Variants in SAMD5 observed in about 807,000 individuals in gnomAD.
The protein encoded by SAMD5 is sterile alpha motif domain-containing protein 5.
SAMD5 carries 13 observed loss-of-function variants against 11.3 expected under a neutral mutation model. That is an observed-to-expected ratio of 1.15 (90% confidence interval 0.75 to 1.83). The LOEUF is 1.83. Among genes scored for constraint, SAMD5 ranks in the 40% most tolerant of loss-of-function variants. The pLI is 0.00. For missense variants in SAMD5, 255 were observed against 239.1 expected (o/e 1.07, Z -0.44); for synonymous variants, 129 against 111.3 (o/e 1.16, Z -1.00).
the SAMD5 span, among the ~76,000 whole-genome samples, chr6:147,827,632 G>T: frequency 6.6e-6 from 1 of 152,178 alleles, no homozygotes; most frequent in African/African-American, 2.4e-5. Context: ...CTCTCAGGAA[G>T]TGTTCTTGTC....
chr6:147,863,807 C>G, the SAMD5 span, among the ~76,000 whole-genome samples: 3 of 124,280 alleles, frequency 2.4e-5, no homozygotes, highest in African/African-American at 9.0e-5. Context: ...CCAGTTGTTT[C>G]TTTTCATCAT....
chr6:147,589,843 C>T (rs939931860), intron 1 of SAMD5, among the ~76,000 whole-genome samples: 2 of 152,108 alleles, frequency 1.3e-5, no homozygotes, highest in Non-Finnish European at 2.9e-5. Context: ...TTCATGAAAT[C>T]CAATAATGTC....
chr6:147,806,305 C>T, the SAMD5 span, among the ~76,000 whole-genome samples: 10 of 42,880 alleles, frequency 2.3e-4, no homozygotes, highest in Non-Finnish European at 4.7e-4. Flanking sequence ...TGTGCGCATG[C>T]GCGCGCGCGC....
chr6:147,697,528 A>C (rs1180190295), intron 1 of SAMD5, among the ~76,000 whole-genome samples: 1 of 152,216 alleles, frequency 6.6e-6, no homozygotes, highest in Non-Finnish European at 1.5e-5. Context: ...AAAATGTTTC[A>C]GCGTTTTGTT....
chr6:147,946,151 A>G, the SAMD5 span, among the ~76,000 whole-genome samples: 985 of 152,040 alleles, frequency 6.5e-3, 8 homozygotes, highest in African/African-American at 0.021. Context: ...CTCTCCCCCA[A>G]CCCTTGAGTA....
chr6:147,806,503 G>T, the SAMD5 span, among the ~76,000 whole-genome samples: 1 of 152,126 alleles, frequency 6.6e-6, no homozygotes, highest in South Asian at 2.1e-4. Context: ...ACAAGCTCCC[G>T]CCTACTTGCT....
At chr6:147,919,247 A>G in the SAMD5 span, among the ~76,000 whole-genome samples, 6 of 152,222 alleles carry the variant, frequency 3.9e-5, no homozygotes, top group Non-Finnish European at 8.8e-5. Flanking sequence ...CCTCTGCCCC[A>G]TCAAAAATCT....
the SAMD5 span, among the ~76,000 whole-genome samples, chr6:147,869,727 C>T: frequency 8.5e-4 from 130 of 152,172 alleles, no homozygotes; most frequent in African/African-American, 2.8e-3. Flanking sequence ...GATACAGGGT[C>T]TCGCTCTTTT....
At chr6:147,908,181 A>C in the SAMD5 span, among the ~76,000 whole-genome samples, 1 of 152,308 alleles carries the variant, frequency 6.6e-6, no homozygotes, top group African/African-American at 2.4e-5. Flanking sequence ...GCAGTGCAAA[A>C]CAGAGCAGCA....
Position 147,589,145 on chromosome 6 carries a change from G to A in SAMD5, c.162+79758G>A, listed in dbSNP as rs377158503. On this transcript the variant is annotated intron_variant, in intron 1 of 1. Coordinates refer to the SAMD5 transcript ENST00000566741. ...AATTTTTAAAAATTGTTCTTGTAGA[G>A]ACAGGATCTCACTATGTTGCCAAGG... 7.9e-5 allele frequency among the ~76,000 whole-genome samples: 12 copies of A among 152,122 alleles called. No homozygotes were observed. The East Asian group carries it at 1.7e-3, about 22-fold the overall frequency.
the SAMD5 span, among the ~76,000 whole-genome samples, chr6:147,799,756 C>T: frequency 6.6e-6 from 1 of 151,838 alleles, no homozygotes; most frequent in African/African-American, 2.4e-5. Flanking sequence ...TTCTTGGAGG[C>T]TTTGCTCATT....
chr6:147,673,649 A>G (rs1217004001), intron 1 of SAMD5, among the ~76,000 whole-genome samples: 3 of 152,148 alleles, frequency 2.0e-5, no homozygotes, highest in East Asian at 1.9e-4. Flanking sequence ...TAACCTAACT[A>G]TTGTTAAATG....
At chr6:147,918,472 C>T in the SAMD5 span, among the ~76,000 whole-genome samples, 2 of 152,008 alleles carry the variant, frequency 1.3e-5, no homozygotes, top group Admixed American at 1.3e-4. Context: ...TCCTATTCAA[C>T]ATAGTGTTGG....
chr6:147,842,337 C>T, the SAMD5 span, among the ~76,000 whole-genome samples: 1 of 151,838 alleles, frequency 6.6e-6, no homozygotes, highest in Non-Finnish European at 1.5e-5. Flanking sequence ...TCCATCACAA[C>T]CCTCAGCATT....
chr6:147,724,695 G>T (rs1190832788), intron 1 of SAMD5, among the ~76,000 whole-genome samples: 1 of 152,084 alleles, frequency 6.6e-6, no homozygotes, highest in East Asian at 1.9e-4. Flanking sequence ...GGTGTTTCTG[G>T]CTCATGATGG....
At chr6:147,897,934 G>T in the SAMD5 span, among the ~76,000 whole-genome samples, 1 of 110,420 alleles carries the variant, frequency 9.1e-6, no homozygotes, top group Admixed American at 1.3e-4. Flanking sequence ...AACAGAGTGA[G>T]ATTTTTCTTA....
the SAMD5 span, among the ~76,000 whole-genome samples, chr6:147,750,201 C>G: frequency 6.6e-6 from 1 of 152,130 alleles, no homozygotes; most frequent in African/African-American, 2.4e-5. Context: ...TTAAGCAAAA[C>G]CATCGCTTGA....
rs1788105072 is a variant in SAMD5, at chr6:147,512,462, A to T, written c.459+3075A>T. The stretch of plus-strand genomic sequence containing the variant: ...GGAAAGTAAGTTGAGGGGTCTTCCC[A>T]AGAATCACCTGAAAGGATTGTAGGA... On this transcript the variant is annotated intron_variant, in intron 1 of 1. Coordinates refer to ENST00000367474, the MANE Select transcript of SAMD5 (RefSeq NM_001030060.3). Among the ~76,000 whole-genome samples the T allele has an allele frequency of 1.3e-5, 2 of 152,250 alleles. 1 individual carries two copies. Among genetic ancestry groups the T allele is most frequent in the South Asian group, 4.1e-4 (2 of 4,832 alleles).
At chr6:147,864,885 A>G in the SAMD5 span, among the ~76,000 whole-genome samples, 8 of 152,292 alleles carry the variant, frequency 5.3e-5, no homozygotes, top group African/African-American at 1.9e-4. Flanking sequence ...AGTGTATAGT[A>G]AATAAACACA....
Sources: gnomAD v4.1 joint callset for allele counts (sites outside exome capture counted in the v4.1 genomes callset) on GRCh38, gnomAD v4.1.1 for gene constraint, MANE v1.5 for transcripts, NCBI Gene and HGNC (gene_info 2026-07-23, HGNC 2026-07-21) for gene names.